Variants in AMMECR1 observed in about 807,000 individuals in gnomAD.
AMMECR1 encodes the protein AMMECR nuclear protein 1, also known as nuclear protein AMMECR1.
Under a neutral mutation model 22.5 loss-of-function variants are expected in AMMECR1, and 3 were observed. That is an observed-to-expected ratio of 0.13 (90% confidence interval 0.06 to 0.35). The LOEUF (loss-of-function observed/expected upper bound fraction) is 0.35. Ranked by LOEUF, AMMECR1 falls within the 10% of genes least tolerant of loss-of-function variation. AMMECR1 has a pLI of 1.00. For missense variants in AMMECR1, 235 were observed against 278.7 expected, an observed-to-expected ratio of 0.84 and a Z score of 1.12; for synonymous variants, 130 against 116.7, an observed-to-expected ratio of 1.11 and a Z score of -0.74.
Position 110,286,515 on chromosome X carries a change from T to C in AMMECR1, c.474-21916A>G, listed in dbSNP as rs151301635. 5.3e-3 allele frequency among the ~76,000 whole-genome samples: 572 copies of C among 108,073 alleles called. 3 individuals carry two copies. Among genetic ancestry groups the C allele is most frequent in the African/African-American group, 0.019 (555 of 29,566 alleles). The allele number at this position is 108,073 out of a possible 115,157, so 93.8% of individuals were successfully genotyped here. ...CAAAAACCCGTCTCTACAAAAAATT[T>C]ACAAAAATTAGCCAGGCATGGTGTT... On this transcript the variant is annotated intron_variant, in intron 1 of 5. Transcript: ENST00000262844.
At chrX:110,325,398 T>C (rs2068094259) in intron 2 of AMMECR1, among the ~76,000 whole-genome samples, 1 of 112,144 alleles carries the variant, frequency 8.9e-6, no homozygotes, top group Non-Finnish European at 1.9e-5. Flanking sequence ...TCCATCTATA[T>C]TTTTATAGCC....
At chrX:110,311,086 G>C (rs1263077319) in intron 1 of AMMECR1, among the ~76,000 whole-genome samples, 1 of 112,140 alleles carries the variant, frequency 8.9e-6, no homozygotes, top group Non-Finnish European at 1.9e-5. Context: ...GAAGAATGCT[G>C]AGAGTGCAAG....
At chrX:110,284,737 G>A (rs771149731) in intron 1 of AMMECR1, among the ~76,000 whole-genome samples, 1 of 111,481 alleles carries the variant, frequency 9.0e-6, no homozygotes, top group African/African-American at 3.3e-5. Flanking sequence ...GGTTGGGGTG[G>A]AGAGGGGGTA....
At chrX:110,339,068 G>A (rs1001096541) in intron 2 of AMMECR1, among the ~76,000 whole-genome samples, 9 of 111,618 alleles carry the variant, frequency 8.1e-5, no homozygotes, top group African/African-American at 2.6e-4. Flanking sequence ...TGGGACCTTT[G>A]AGTAAAAAAT....
At chrX:110,283,506 C>T (rs2067863278) in intron 1 of AMMECR1, among the ~76,000 whole-genome samples, 1 of 111,961 alleles carries the variant, frequency 8.9e-6, no homozygotes, top group Admixed American at 9.4e-5. Context: ...CCAGGAAGTC[C>T]AAGATTAAGG....
At chrX:110,297,262 T>G (rs778876965) in intron 1 of AMMECR1, among the ~76,000 whole-genome samples, 23 of 112,248 alleles carry the variant, frequency 2.0e-4, no homozygotes, top group African/African-American at 7.4e-4. Flanking sequence ...GCACAGGGTC[T>G]AAAAGTCAGC....
chrX:110,365,893 G>A (rs2068294011), intron 2 of AMMECR1, among the ~76,000 whole-genome samples: 1 of 112,030 alleles, frequency 8.9e-6, no homozygotes, highest in Admixed American at 9.5e-5. Flanking sequence ...AGTGCATTGT[G>A]ACAATACTAT....
chrX:110,342,187 A>C (rs773096191), intron 2 of AMMECR1, among the ~76,000 whole-genome samples: 4 of 112,226 alleles, frequency 3.6e-5, no homozygotes, highest in African/African-American at 9.7e-5. Flanking sequence ...TAATTTATAA[A>C]TTAAACTTTA....
intron 1 of AMMECR1, among the ~76,000 whole-genome samples, chrX:110,312,939 C>T (rs1476157067): frequency 8.9e-6 from 1 of 112,418 alleles, no homozygotes; most frequent in Non-Finnish European, 1.9e-5. Flanking sequence ...GCATCATCTG[C>T]GATAGACAGA....
At chrX:110,397,943 C>T (rs1353309328) in intron 2 of AMMECR1, among the ~76,000 whole-genome samples, 1 of 112,152 alleles carries the variant, frequency 8.9e-6, no homozygotes, top group African/African-American at 3.2e-5. Flanking sequence ...CAAGAAAGAC[C>T]CTTAAGGAAA....
At chrX:110,249,886 G>A (rs778056747) in intron 2 of AMMECR1, among the ~76,000 whole-genome samples, 15 of 110,431 alleles carry the variant, frequency 1.4e-4, no homozygotes, top group East Asian at 1.1e-3. Flanking sequence ...GTGACAGAGC[G>A]AGACTCGGAA....
intron 2 of AMMECR1, among the ~76,000 whole-genome samples, chrX:110,335,377 T>C (rs1167785299): frequency 8.9e-6 from 1 of 111,753 alleles, no homozygotes; most frequent in Non-Finnish European, 1.9e-5. Flanking sequence ...TGTAGTTATG[T>C]GTCTGATTAT....
At chrX:110,288,697 A>G (rs752343996) in intron 1 of AMMECR1, among the ~76,000 whole-genome samples, 2 of 111,736 alleles carry the variant, frequency 1.8e-5, no homozygotes, top group African/African-American at 6.5e-5. Context: ...AAACTATACC[A>G]TTTCTTTCCT....
intron 3 of AMMECR1, among the ~76,000 whole-genome samples, chrX:110,210,180 T>C (rs1182752253): frequency 6.4e-5 from 7 of 110,223 alleles, no homozygotes; most frequent in African/African-American, 2.3e-4. Flanking sequence ...CATTGACTTG[T>C]TGATGCACAG....
At chrX:110,254,512 T>C (rs1418620785) in intron 2 of AMMECR1, among the ~76,000 whole-genome samples, 3 of 111,756 alleles carry the variant, frequency 2.7e-5, no homozygotes, top group Admixed American at 9.5e-5. Context: ...TGATAGTTTT[T>C]GTTTAGTGAT....
chrX:110,210,167 A>T (rs968811088), intron 3 of AMMECR1, among the ~76,000 whole-genome samples: 9 of 110,308 alleles, frequency 8.2e-5, no homozygotes, highest in African/African-American at 3.0e-4. Context: ...TAGGCTTCTT[A>T]TACATTGACT....
intron 1 of AMMECR1, among the ~76,000 whole-genome samples, chrX:110,439,616 T>A (rs1414741773): frequency 8.9e-6 from 1 of 112,064 alleles, no homozygotes; most frequent in African/African-American, 3.3e-5. Context: ...TGCACAACAT[T>A]GATGAACAGA....
intron 1 of AMMECR1, among the ~76,000 whole-genome samples, chrX:110,298,480 TATG>T (rs1433714310): frequency 9.0e-6 from 1 of 110,755 alleles, no homozygotes; most frequent in Non-Finnish European, 1.9e-5. Context: ...TAGTTGCAGG[TATG>T]ATATGAAAAC....
chrX:110,284,262 A>G (rs2067867954), intron 1 of AMMECR1, among the ~76,000 whole-genome samples: 1 of 112,604 alleles, frequency 8.9e-6, no homozygotes, highest in South Asian at 3.7e-4. Context: ...AGAGTAAGGC[A>G]TCAAACTTCA....
Sources: allele counts gnomAD v4.1 joint callset (sites outside exome capture counted in the v4.1 genomes callset), GRCh38; gene constraint gnomAD v4.1.1; transcripts MANE v1.5; gene names NCBI Gene and HGNC (gene_info 2026-07-23, HGNC 2026-07-21).